AGMO: variants seen among roughly 807,000 people sequenced by gnomAD.
AGMO encodes glyceryl-ether monooxygenase.
In AGMO, 75 loss-of-function variants were observed where a neutral mutation model predicts 60.2. The ratio of observed to expected loss-of-function variants is 1.25; its 90% CI spans 1.03 to 1.51. The LOEUF is 1.51. AGMO is among the 40% of genes most tolerant of loss of function. The probability of loss-of-function intolerance (pLI) is 0.00; values close to 1 mark genes in which losing one functional copy is unlikely to be tolerated. For missense variants in AGMO, 763 were observed against 525.5 expected (o/e 1.45, Z -4.42); for synonymous variants, 261 against 177.1 (o/e 1.47, Z -3.76).
At chr7:15,406,923 ACACACGCG>A (rs1369131489) in intron 5 of AGMO, among the ~76,000 whole-genome samples, 1 of 99,870 alleles carries the variant, frequency 1.0e-5, no homozygotes, top group Non-Finnish European at 2.0e-5. Context: ...TGTTTGGAAT[ACACACGCG>A]CACACACACA....
At chr7:15,485,158 A>G (rs1583601189) in intron 3 of AGMO, among the ~76,000 whole-genome samples, 3 of 150,856 alleles carry the variant, frequency 2.0e-5, no homozygotes, top group South Asian at 4.2e-4. Flanking sequence ...AAAAAAAAAA[A>G]AAGAAAAACA....
intron 3 of AGMO, among the ~76,000 whole-genome samples, chr7:15,518,874 C>G (rs1480001008): frequency 6.6e-6 from 1 of 151,748 alleles, no homozygotes; most frequent in Non-Finnish European, 1.5e-5. Context: ...CTCCTCCAAG[C>G]TAAAGGAGCA....
At chr7:15,122,983 C>G in the AGMO span, among the ~76,000 whole-genome samples, 1 of 152,102 alleles carries the variant, frequency 6.6e-6, no homozygotes, top group Admixed American at 6.6e-5. Flanking sequence ...ATCTGGCCCT[C>G]CTGATGCTTT....
At chr7:15,204,617 A>AGCC (rs1246976162) in intron 12 of AGMO, among the ~76,000 whole-genome samples, 1 of 152,182 alleles carries the variant, frequency 6.6e-6, no homozygotes, top group Non-Finnish European at 1.5e-5. Context: ...CTTAGTGTCA[A>AGCC]GCCGTCCTTG....
At chr7:15,198,442 G>T (rs945996749), downstream of AGMO, among the ~76,000 whole-genome samples, 1 of 152,182 alleles carries the variant, frequency 6.6e-6, no homozygotes, top group Admixed American at 6.6e-5. Context: ...AAAGTGCCTT[G>T]GTTAATAATG....
intron 5 of AGMO, among the ~76,000 whole-genome samples, chr7:15,394,735 A>G (rs1448648777): frequency 1.3e-5 from 2 of 152,216 alleles, no homozygotes; most frequent in African/African-American, 2.4e-5. Context: ...TCAGCCATGC[A>G]GCAACGACTT....
intron 12 of AGMO, among the ~76,000 whole-genome samples, chr7:15,310,639 A>C (rs1780743088): frequency 6.6e-6 from 1 of 152,036 alleles, no homozygotes; most frequent in Non-Finnish European, 1.5e-5. Context: ...TTCTTTATAA[A>C]ATGAGGGAGT....
chr7:15,336,682 C>T (rs940286246), intron 12 of AGMO, among the ~76,000 whole-genome samples: 1 of 152,122 alleles, frequency 6.6e-6, no homozygotes, highest in Non-Finnish European at 1.5e-5. Flanking sequence ...AATTCTGCTA[C>T]TTTGTGTGTT....
intron 12 of AGMO, among the ~76,000 whole-genome samples, chr7:15,274,608 ATCTC>A (rs1283362403): frequency 6.6e-6 from 1 of 151,014 alleles, no homozygotes; most frequent in Non-Finnish European, 1.5e-5. Flanking sequence ...TCAAGAAAGA[ATCTC>A]TCCTTTATTT....
At chr7:15,288,180 C>A (rs879724028) in intron 12 of AGMO, among the ~76,000 whole-genome samples, 1 of 151,980 alleles carries the variant, frequency 6.6e-6, no homozygotes, top group Non-Finnish European at 1.5e-5. Flanking sequence ...CCCAGCACCA[C>A]GCCCGGCTAA....
At chr7:15,340,603 G>A (rs1307573482) in intron 12 of AGMO, among the ~76,000 whole-genome samples, 1 of 152,148 alleles carries the variant, frequency 6.6e-6, no homozygotes, top group Admixed American at 6.5e-5. Context: ...TACCACTCAG[G>A]CAATGGCTTC....
chr7:15,484,043 C>T (rs1782843101), intron 3 of AGMO, among the ~76,000 whole-genome samples: 1 of 151,708 alleles, frequency 6.6e-6, no homozygotes, highest in Non-Finnish European at 1.5e-5. Context: ...GAGTATAATC[C>T]CTGCAGTAGA....
chr7:15,451,504 G>C (rs1001688673), intron 3 of AGMO, among the ~76,000 whole-genome samples: 2 of 152,024 alleles, frequency 1.3e-5, no homozygotes, highest in East Asian at 3.9e-4. Context: ...GCAGATTCAG[G>C]GTCTAGGTGG....
intron 5 of AGMO, among the ~76,000 whole-genome samples, chr7:15,416,422 TCA>T (rs1346129794): frequency 6.6e-6 from 1 of 152,188 alleles, no homozygotes; most frequent in Non-Finnish European, 1.5e-5. Context: ...ATTTTTTATC[TCA>T]CAGTCTTTCA....
At chr7:15,420,197 G>T (rs1202050169) in intron 4 of AGMO, among the ~76,000 whole-genome samples, 2 of 152,054 alleles carry the variant, frequency 1.3e-5, no homozygotes, top group African/African-American at 4.8e-5. Flanking sequence ...TATGGAAAAA[G>T]TGGTTAAAAG....
intron 5 of AGMO, chr7:15,396,468 C>T (rs77469663): frequency 0.096 from 14,610 of 152,278 alleles, 916 homozygotes; most frequent in South Asian, 0.17. Context: ...GTGAGCATTA[C>T]AGCTCATAAA....
intron 10 of AGMO, among the ~76,000 whole-genome samples, chr7:15,369,428 A>G (rs997850095): frequency 1.3e-5 from 2 of 152,098 alleles, no homozygotes; most frequent in African/African-American, 4.8e-5. Context: ...CTTTAACTCA[A>G]CATAAGCCAT....
At chr7:15,135,133 A>G in the AGMO span, among the ~76,000 whole-genome samples, 1 of 149,778 alleles carries the variant, frequency 6.7e-6, no homozygotes, top group Non-Finnish European at 1.5e-5. Flanking sequence ...GAACAATAAC[A>G]TAGCTAATCA....
chr7:15,343,478 T>C (rs1053679882), intron 12 of AGMO, among the ~76,000 whole-genome samples: 3 of 152,136 alleles, frequency 2.0e-5, no homozygotes, highest in African/African-American at 7.2e-5. Context: ...GGAGAAACAG[T>C]TAAAAGATTT....
Sources: gnomAD v4.1 joint callset for allele counts (sites outside exome capture counted in the v4.1 genomes callset) on GRCh38, gnomAD v4.1.1 for gene constraint, MANE v1.5 for transcripts, NCBI Gene and HGNC (gene_info 2026-07-23, HGNC 2026-07-21) for gene names.